Variants in GYPC observed in about 807,000 individuals in gnomAD.
GYPC encodes the protein glycophorin C (Gerbich blood group), also known as glycophorin-C.
Under a neutral mutation model 12.6 loss-of-function variants are expected in GYPC, and 14 were observed. That is an observed-to-expected ratio of 1.11 (90% confidence interval 0.74 to 1.74). The LOEUF (loss-of-function observed/expected upper bound fraction) is 1.74, where lower values mean the gene tolerates loss of function less well. Ranked by LOEUF, GYPC falls within the 40% of genes most tolerant of loss-of-function variation. The pLI is 0.00. For synonymous variants in GYPC, 78 were observed against 62.1 expected (o/e 1.26, Z -1.20); for missense variants, 225 against 172.1 (o/e 1.31, Z -1.72).
chr2:126,661,382 C>A (rs1331895522), intron 1 of GYPC, among the ~76,000 whole-genome samples: 1 of 152,120 alleles, frequency 6.6e-6, no homozygotes, highest in African/African-American at 2.4e-5. Context: ...TCAGAACTCT[C>A]TATGGAATTG....
intron 1 of GYPC, among the ~76,000 whole-genome samples, chr2:126,674,960 T>C (rs952063650): frequency 3.3e-5 from 5 of 152,242 alleles, no homozygotes; most frequent in Non-Finnish European, 7.3e-5. Flanking sequence ...TCATTTTTTA[T>C]CTGAAAGTCA....
In GYPC at chr2:126,656,237, G is replaced by A. The variant is rs1255520682; in HGVS notation, c.-27G>A. Reference sequence around the variant, plus strand: ...CTGGCCCGGCCTGGCCAGTCCCCGCGGTCTCTGCCCGGGCTGACGCCCAGG... The same window carrying A: ...CTGGCCCGGCCTGGCCAGTCCCCGCAGTCTCTGCCCGGGCTGACGCCCAGG... On this transcript the variant is annotated 5_prime_UTR_variant, in exon 1 of 4. Coordinates refer to ENST00000259254, the MANE Select transcript of GYPC (RefSeq NM_002101.5). The A allele has an allele frequency of 1.0e-5, 16 of 1,594,174 alleles. No homozygotes were observed. The highest frequency in any genetic ancestry group is 2.7e-5 in the African/African-American group (2 of 74,330).
intron 1 of GYPC, among the ~76,000 whole-genome samples, chr2:126,673,926 C>G (rs1225629429): frequency 6.6e-6 from 1 of 152,170 alleles, no homozygotes; most frequent in African/African-American, 2.4e-5. Context: ...AGCTTGGACC[C>G]TATGCGACCT....
intron 1 of GYPC, among the ~76,000 whole-genome samples, chr2:126,685,537 A>T (rs28387188): frequency 6.6e-6 from 1 of 152,152 alleles, no homozygotes; most frequent in African/African-American, 2.4e-5. Flanking sequence ...GGCACCCGCC[A>T]GCATGCCCAA....
chr2:126,691,205 C>A (rs1279363759), intron 2 of GYPC, among the ~76,000 whole-genome samples: 1 of 152,226 alleles, frequency 6.6e-6, no homozygotes, highest in African/African-American at 2.4e-5. Flanking sequence ...AATAAACCTG[C>A]ATTCTAAGAA....
At chr2:126,659,780 C>CTTTTTTT (rs1203132482) in intron 1 of GYPC, among the ~76,000 whole-genome samples, 1 of 137,900 alleles carries the variant, frequency 7.3e-6, no homozygotes, top group African/African-American at 2.7e-5. Context: ...TCTTTCTTTT[C>CTTTTTTT]TTTTTTTTTT....
chr2:126,663,369 G>C (rs28387102), intron 1 of GYPC, among the ~76,000 whole-genome samples: 4 of 152,152 alleles, frequency 2.6e-5, no homozygotes, highest in Non-Finnish European at 4.4e-5. Flanking sequence ...TCAGCACTGC[G>C]GTGGAGACAG....
At chr2:126,682,365 T>C (rs1005874899) in intron 1 of GYPC, among the ~76,000 whole-genome samples, 4 of 152,064 alleles carry the variant, frequency 2.6e-5, no homozygotes, top group Admixed American at 6.6e-5. Flanking sequence ...CAGAAGGGTG[T>C]GTGCATGGAC....
chr2:126,663,326 A>G (rs569522269), intron 1 of GYPC, among the ~76,000 whole-genome samples: 8 of 152,194 alleles, frequency 5.3e-5, no homozygotes, highest in South Asian at 2.1e-4. Context: ...ATGAGCCACC[A>G]CGCCCAGCCT....
intron 1 of GYPC, among the ~76,000 whole-genome samples, chr2:126,666,043 C>T (rs1331257334): frequency 1.3e-5 from 2 of 152,172 alleles, no homozygotes; most frequent in East Asian, 1.9e-4. Context: ...GAAGAAAAGG[C>T]CTTTCTTTGT....
intron 1 of GYPC, chr2:126,675,609 C>A (rs977781818): frequency 3.9e-6 from 3 of 765,802 alleles, no homozygotes; most frequent in African/African-American, 3.8e-5. Flanking sequence ...CCTTTCCATC[C>A]CTACCCTGCT....
chr2:126,663,008 G>A (rs753389379), intron 1 of GYPC, among the ~76,000 whole-genome samples: 45 of 151,932 alleles, frequency 3.0e-4, no homozygotes, highest in African/African-American at 8.9e-4. Flanking sequence ...AGGCCCTCTC[G>A]CTCCCGATGC....
chr2:126,674,614 C>T (rs1682944903), intron 1 of GYPC, among the ~76,000 whole-genome samples: 1 of 152,196 alleles, frequency 6.6e-6, no homozygotes, highest in South Asian at 2.1e-4. Flanking sequence ...CTACTGCTCC[C>T]ATGTGACGGC....
intron 1 of GYPC, 55 bp downstream of exon 1, chr2:126,656,367 C>A: frequency 1.4e-6 from 2 of 1,478,176 alleles, no homozygotes; most frequent in Admixed American, 1.9e-5. Context: ...CCGCGGCCCG[C>A]AGCAGCCAGG....
At chr2:126,674,116 C>T (rs1215006674) in intron 1 of GYPC, among the ~76,000 whole-genome samples, 2 of 152,188 alleles carry the variant, frequency 1.3e-5, no homozygotes, top group Non-Finnish European at 2.9e-5. Flanking sequence ...TATAATATTT[C>T]TTCCAAGGGC....
chr2:126,682,324 C>T (rs1305081752), intron 1 of GYPC, among the ~76,000 whole-genome samples: 1 of 152,044 alleles, frequency 6.6e-6, no homozygotes, highest in South Asian at 2.1e-4. Flanking sequence ...ACAACAAGGC[C>T]AAGGAGACTG....
chr2:126,667,500 T>C (rs1573559591), intron 1 of GYPC, among the ~76,000 whole-genome samples: 1 of 150,960 alleles, frequency 6.6e-6, no homozygotes, highest in Non-Finnish European at 1.5e-5. Flanking sequence ...TCCTCCCAGG[T>C]TCAAGCAATT....
chr2:126,663,415 G>C (rs1435513522), intron 1 of GYPC, among the ~76,000 whole-genome samples: 3 of 152,156 alleles, frequency 2.0e-5, no homozygotes, highest in Admixed American at 2.0e-4. Context: ...TCTTGGCCAC[G>C]CACGCCAGCT....
intron 1 of GYPC, among the ~76,000 whole-genome samples, chr2:126,667,473 G>A (rs960390824): frequency 1.0e-4 from 15 of 149,750 alleles, no homozygotes; most frequent in Non-Finnish European, 1.5e-4. Context: ...GCATGATATC[G>A]GCTCACCACA....
Sources: allele counts gnomAD v4.1 joint callset (sites outside exome capture counted in the v4.1 genomes callset), GRCh38; gene constraint gnomAD v4.1.1; transcripts MANE v1.5; gene names NCBI Gene and HGNC (gene_info 2026-07-23, HGNC 2026-07-21).